IMPG1: variants seen among roughly 807,000 people sequenced by gnomAD.
IMPG1 encodes the protein interphotoreceptor matrix proteoglycan 1, also known as interphotoreceptor matrix proteoglycan of 150 kDa.
In IMPG1, 85 loss-of-function variants were observed where a neutral mutation model predicts 92.0. The ratio of observed to expected loss-of-function variants is 0.92; its 90% confidence interval spans 0.78 to 1.11. The LOEUF is 1.11. IMPG1 is among the 50% of genes least tolerant of loss of function. The pLI is 0.00. For synonymous variants in IMPG1, 367 were observed against 334.1 expected (o/e 1.10, Z -1.08); for missense variants, 1,022 against 956.0 (o/e 1.07, Z -0.91).
chr6:75,935,986 T>TGTA (rs1781737964), intron 14 of IMPG1, among the ~76,000 whole-genome samples: 1 of 152,184 alleles, frequency 6.6e-6, no homozygotes, highest in African/African-American at 2.4e-5. Flanking sequence ...TGAGGGTTCA[T>TGTA]CTGAGATGTT....
intron 6 of IMPG1, 123 bp from the exon 7 acceptor site, chr6:76,018,981 TC>T (rs1783366453): frequency 1.1e-6 from 1 of 886,848 alleles, no homozygotes; most frequent in East Asian, 3.0e-5. Flanking sequence ...TGTTTTGCAA[TC>T]AAAATCCTTT....
chr6:76,021,843 G>A (rs1178184796), intron 6 of IMPG1, among the ~76,000 whole-genome samples: 1 of 110,792 alleles, frequency 9.0e-6, no homozygotes, highest in Non-Finnish European at 1.9e-5. Flanking sequence ...TTAGGTGCTG[G>A]GGAAAAAGAG....
intron 4 of IMPG1, among the ~76,000 whole-genome samples, chr6:76,026,967 C>T (rs1324613413): frequency 6.6e-6 from 1 of 152,134 alleles, no homozygotes; most frequent in Non-Finnish European, 1.5e-5. Flanking sequence ...CTTAAATAGC[C>T]CCATTCAGTG....
chr6:75,944,915 CTT>C (rs3041535), intron 14 of IMPG1, among the ~76,000 whole-genome samples: 135,789 of 152,130 alleles, frequency 0.89, 62,076 homozygotes, highest in Non-Finnish European at 1. Flanking sequence ...CTTTCCCCTA[CTT>C]TTTTCCACCA....
chr6:75,925,535 A>G (rs1251909944), intron 15 of IMPG1, among the ~76,000 whole-genome samples: 2 of 152,146 alleles, frequency 1.3e-5, no homozygotes, highest in African/African-American at 4.8e-5. Flanking sequence ...ATATAGTTTA[A>G]GGAGGTTGAG....
At chr6:76,045,706 A>C (rs1046477794) in intron 1 of IMPG1, among the ~76,000 whole-genome samples, 5 of 152,160 alleles carry the variant, frequency 3.3e-5, no homozygotes, top group African/African-American at 4.8e-5. Flanking sequence ...AAAAGAGCTG[A>C]TAGTTGTTGG....
intron 8 of IMPG1, 93 bp from the exon 9 acceptor site, chr6:76,007,593 A>G: frequency 1.2e-6 from 1 of 820,776 alleles, no homozygotes; most frequent in East Asian, 2.8e-5. Context: ...TATATACAAA[A>G]GAAAAAAATA....
intron 12 of IMPG1, among the ~76,000 whole-genome samples, chr6:75,953,046 T>C (rs755999221): frequency 2.0e-5 from 3 of 152,196 alleles, no homozygotes; most frequent in Non-Finnish European, 2.9e-5. Context: ...TTTTGTGTCA[T>C]GGGAAATGCA....
intron 2 of IMPG1, among the ~76,000 whole-genome samples, chr6:76,036,460 A>G (rs1783744111): frequency 6.6e-6 from 1 of 152,206 alleles, no homozygotes; most frequent in Admixed American, 6.5e-5. Flanking sequence ...AAAAACTAAA[A>G]CTATATGTGT....
intron 4 of IMPG1, among the ~76,000 whole-genome samples, chr6:76,030,520 C>T (rs766438733): frequency 5.3e-5 from 8 of 152,146 alleles, no homozygotes; most frequent in Admixed American, 1.3e-4. Flanking sequence ...ATAGGTAATA[C>T]GCTCCCCTGA....
intron 1 of IMPG1, among the ~76,000 whole-genome samples, chr6:76,046,024 G>C (rs1393694735): frequency 6.6e-6 from 1 of 151,846 alleles, no homozygotes; most frequent in South Asian, 2.1e-4. Context: ...ATGATGAATT[G>C]GCTGCCATCA....
chr6:75,957,824 A>C (rs925740044), intron 12 of IMPG1, among the ~76,000 whole-genome samples: 1 of 152,170 alleles, frequency 6.6e-6, no homozygotes, highest in African/African-American at 2.4e-5. Flanking sequence ...GGGTCTCCTG[A>C]ATACAGCACA....
At chr6:76,069,757 A>G (rs1784376170) in intron 1 of IMPG1, among the ~76,000 whole-genome samples, 1 of 151,930 alleles carries the variant, frequency 6.6e-6, no homozygotes, top group Admixed American at 6.6e-5. Flanking sequence ...AAAAAAAAAA[A>G]ATGTGGTATA....
At chr6:76,050,246 C>T (rs1784016884) in intron 1 of IMPG1, among the ~76,000 whole-genome samples, 1 of 151,994 alleles carries the variant, frequency 6.6e-6, no homozygotes, top group African/African-American at 2.4e-5. Flanking sequence ...TCGAGACTAG[C>T]CTGGCCAACA....
chr6:75,967,520 C>A (rs939195363), intron 12 of IMPG1, among the ~76,000 whole-genome samples: 2 of 152,022 alleles, frequency 1.3e-5, no homozygotes, highest in African/African-American at 4.8e-5. Context: ...TTTTGTACTC[C>A]CATGACTTCA....
chr6:75,927,198 A>G (rs1431923849), intron 15 of IMPG1, among the ~76,000 whole-genome samples: 1 of 152,182 alleles, frequency 6.6e-6, no homozygotes, highest in African/African-American at 2.4e-5. Context: ...ACTGAGGGGC[A>G]TCTAATTTAT....
At chr6:75,989,646 C>T (rs1582089152) in intron 12 of IMPG1, among the ~76,000 whole-genome samples, 1 of 152,132 alleles carries the variant, frequency 6.6e-6, no homozygotes, top group African/African-American at 2.4e-5. Flanking sequence ...AGTTTGAGAC[C>T]AGCCTGGCCA....
rs769132903 is a variant in IMPG1, at chr6:75,931,154, G to A, written c.2045-3C>T. On this transcript the variant is annotated splice_polypyrimidine_tract_variant and splice_region_variant and intron_variant, in intron 14 of 16. Coordinates refer to ENST00000369950, the MANE Select transcript of IMPG1 (RefSeq NM_001563.4). ...CTTGCAGGGATCTGCTTGATCAGCTGTAAGAAATGGGGCAGATTTTAACGC... is the reference window on the plus strand; with the variant it reads ...CTTGCAGGGATCTGCTTGATCAGCTATAAGAAATGGGGCAGATTTTAACGC... The A allele has an allele frequency of 6.2e-7, 1 of 1,608,736 alleles. No homozygotes were observed. Among genetic ancestry groups the A allele is most frequent in the Non-Finnish European group, 8.5e-7 (1 of 1,177,122 alleles).
rs952948145 is a variant in IMPG1 at position 75,932,992 on chromosome 6, C to T, written c.2045-1841G>A. ...CTGGGATTACAGGCGTGAGCCACCG[C>T]GCCTGGTCTCTTGTCTCTTTCTTAA... On this transcript the variant is annotated intron_variant, in intron 14 of 16. Transcript: ENST00000369950. Among the ~76,000 whole-genome samples the T allele has an allele frequency of 6.6e-5, 10 of 152,132 alleles. No individual in the cohort carries two copies. The East Asian group carries it at 1.4e-3, about 21-fold the overall frequency.
Sources: gnomAD v4.1 joint callset for allele counts (sites outside exome capture counted in the v4.1 genomes callset) on GRCh38, gnomAD v4.1.1 for gene constraint, MANE v1.5 for transcripts, NCBI Gene and HGNC (gene_info 2026-07-23, HGNC 2026-07-21) for gene names.